DKK2: variants seen among roughly 807,000 people sequenced by gnomAD.
DKK2 encodes dickkopf Wnt signaling pathway inhibitor 2, also known as dickkopf-related protein 2.
Under a neutral mutation model 28.1 loss-of-function variants are expected in DKK2, and 11 were observed. The ratio of observed to expected loss-of-function variants is 0.39; its 90% CI spans 0.25 to 0.65. The LOEUF (loss-of-function observed/expected upper bound fraction) is 0.65. DKK2 is among the 30% of genes least tolerant of loss of function. The probability of loss-of-function intolerance (pLI) is 0.47; values close to 1 mark genes in which losing one functional copy is unlikely to be tolerated. For missense variants in DKK2, 326 were observed against 335.5 expected, an observed-to-expected ratio of 0.97 and a Z score of 0.22; for synonymous variants, 135 against 126.5, an observed-to-expected ratio of 1.07 and a Z score of -0.45.
chr4:107,021,861 C>T (rs893349017), intron 1 of DKK2, among the ~76,000 whole-genome samples: 1 of 152,072 alleles, frequency 6.6e-6, no homozygotes, highest in Non-Finnish European at 1.5e-5. Flanking sequence ...CTTTTCCTGA[C>T]TGTTTGTGGA....
chr4:106,999,422 C>T (rs963955310), intron 1 of DKK2, among the ~76,000 whole-genome samples: 9 of 152,216 alleles, frequency 5.9e-5, no homozygotes, highest in Admixed American at 5.9e-4. Flanking sequence ...TCTTGGCTCA[C>T]TGCAACCTCC....
At chr4:106,940,035 G>A (rs1196006373) in intron 1 of DKK2, among the ~76,000 whole-genome samples, 1 of 152,116 alleles carries the variant, frequency 6.6e-6, no homozygotes, top group East Asian at 1.9e-4. Context: ...ATACCATTCA[G>A]GACATAGGCA....
intron 1 of DKK2, among the ~76,000 whole-genome samples, chr4:106,958,790 T>C (rs1437741826): frequency 7.1e-6 from 1 of 140,842 alleles, no homozygotes; most frequent in African/African-American, 2.7e-5. Flanking sequence ...TGAGCCAAGA[T>C]CGCGCCACTG....
At chr4:106,967,838 C>A (rs369783070) in intron 1 of DKK2, among the ~76,000 whole-genome samples, 6 of 141,924 alleles carry the variant, frequency 4.2e-5, no homozygotes, top group African/African-American at 1.3e-4. Flanking sequence ...GGAAGGAAGG[C>A]AAAGAAAGAA....
intron 1 of DKK2, among the ~76,000 whole-genome samples, chr4:106,955,014 T>TC (rs1337895534): frequency 6.6e-6 from 1 of 152,222 alleles, no homozygotes; most frequent in African/African-American, 2.4e-5. Context: ...TTGCTTTGCT[T>TC]CAATTGAAGA....
intron 1 of DKK2, among the ~76,000 whole-genome samples, chr4:107,024,276 G>GA (rs1266424516): frequency 6.6e-6 from 1 of 151,878 alleles, no homozygotes; most frequent in Non-Finnish European, 1.5e-5. Context: ...AGGCATGACA[G>GA]AAAAAAATAA....
At chr4:106,971,061 A>G (rs1722861573) in intron 1 of DKK2, among the ~76,000 whole-genome samples, 1 of 152,108 alleles carries the variant, frequency 6.6e-6, no homozygotes, top group South Asian at 2.1e-4. Context: ...CTTTGAATCT[A>G]TTCGAGCACT....
At chr4:106,960,748 A>C (rs1352975281) in intron 1 of DKK2, among the ~76,000 whole-genome samples, 1 of 152,126 alleles carries the variant, frequency 6.6e-6, no homozygotes, top group Non-Finnish European at 1.5e-5. Context: ...CCTTGCATTC[A>C]TTATAACTTA....
At chr4:107,033,703 A>T (rs1439265919) in intron 1 of DKK2, among the ~76,000 whole-genome samples, 1 of 152,204 alleles carries the variant, frequency 6.6e-6, no homozygotes, top group Admixed American at 6.5e-5. Context: ...GGAACTACAC[A>T]TTAAGCTTTC....
chr4:107,021,600 G>A (rs986508089), intron 1 of DKK2, among the ~76,000 whole-genome samples: 8 of 151,882 alleles, frequency 5.3e-5, no homozygotes, highest in African/African-American at 1.9e-4. Context: ...CCATGTTGAG[G>A]TTACCGCCGA....
Position 107,024,412 on chromosome 4 carries a change from TA to T in DKK2, c.222+10957del, listed in dbSNP as rs750888069. On this transcript the variant is annotated intron_variant, in intron 1 of 3. Transcript: ENST00000285311. ...AATATGAAAGTATGACTACTGATAC[TA>T]ATTTTTAAAACAAATCCAAGAAAAT... is the stretch of plus-strand genomic sequence containing the variant. Among the ~76,000 whole-genome samples the T allele has an allele frequency of 5.9e-5, 9 of 152,252 alleles. 1 individual carries two copies. Among genetic ancestry groups the T allele is most frequent in the Admixed American group, 5.9e-4 (9 of 15,286 alleles).
At chr4:106,933,959 A>T (rs901822844) in intron 1 of DKK2, among the ~76,000 whole-genome samples, 1 of 147,164 alleles carries the variant, frequency 6.8e-6, no homozygotes, top group Admixed American at 6.8e-5. Flanking sequence ...GTTTCCTGTA[A>T]ATGTGTGTGT....
chr4:107,017,733 C>A (rs140921835), intron 1 of DKK2, among the ~76,000 whole-genome samples: 44 of 149,922 alleles, frequency 2.9e-4, no homozygotes, highest in Admixed American at 1.1e-3. Flanking sequence ...GAAGGAACAG[C>A]AATGACATTT....
intron 1 of DKK2, among the ~76,000 whole-genome samples, chr4:106,933,584 T>C (rs1378194251): frequency 2.0e-5 from 3 of 152,168 alleles, no homozygotes; most frequent in Non-Finnish European, 4.4e-5. Context: ...ACCTATGTCT[T>C]GCTGGCAATG....
At chr4:107,018,644 G>C (rs142316080) in intron 1 of DKK2, among the ~76,000 whole-genome samples, 2 of 151,948 alleles carry the variant, frequency 1.3e-5, no homozygotes, top group African/African-American at 4.8e-5. Context: ...ATGCTCTATG[G>C]GTTGCTGGGT....
At chr4:106,924,448 T>G in intron 3 of DKK2, 97 bp downstream of exon 3, 1 of 1,442,544 alleles carries the variant, frequency 6.9e-7, no homozygotes, top group South Asian at 1.4e-5. Flanking sequence ...TAAAGAAACT[T>G]CCTTGTAATT....
intron 1 of DKK2, among the ~76,000 whole-genome samples, chr4:107,003,483 C>A (rs1723392589): frequency 6.6e-6 from 1 of 152,248 alleles, no homozygotes; most frequent in South Asian, 2.1e-4. Flanking sequence ...GTCTGGAGAG[C>A]CCACCTTGGT....
intron 1 of DKK2, among the ~76,000 whole-genome samples, chr4:106,984,217 T>C (rs1560586059): frequency 6.6e-6 from 1 of 152,212 alleles, no homozygotes; most frequent in Non-Finnish European, 1.5e-5. Context: ...TGTATCATCT[T>C]AACCATTTTT....
At chr4:107,034,609 G>A (rs1443993614) in intron 1 of DKK2, among the ~76,000 whole-genome samples, 2 of 152,150 alleles carry the variant, frequency 1.3e-5, no homozygotes, top group Non-Finnish European at 2.9e-5. Flanking sequence ...CTGTATCGCT[G>A]GCGCCTACGA....
Sources: allele counts gnomAD v4.1 joint callset (sites outside exome capture counted in the v4.1 genomes callset), GRCh38; gene constraint gnomAD v4.1.1; transcripts MANE v1.5; gene names NCBI Gene and HGNC (gene_info 2026-07-23, HGNC 2026-07-21).